The following SCN1A variants were observed in gnomAD, a reference collection of about 807,000 sequenced individuals.
The protein encoded by SCN1A is sodium channel protein type 1 subunit alpha.
A neutral mutation model predicts 193.7 loss-of-function variants in SCN1A; 13 were observed. The observed-to-expected ratio is 0.07, with a 90% CI of 0.04 to 0.11. SCN1A has a LOEUF of 0.11. Among genes scored for constraint, SCN1A ranks in the 10% least tolerant of loss-of-function variants. SCN1A has a pLI of 1.00. For missense variants in SCN1A, 1,432 were observed against 2,451.1 expected, an observed-to-expected ratio of 0.58 and a Z score of 8.78; for synonymous variants, 781 against 843.6, an observed-to-expected ratio of 0.93 and a Z score of 1.29.
chr2:166,035,903 G>T, intron 19 of SCN1A, 145 bp downstream of exon 19: 1 of 791,488 alleles, frequency 1.3e-6, no homozygotes, highest in Non-Finnish European at 2.0e-6. Context: ...GGTTTCTAGT[G>T]AATGGCTATT....
At chr2:166,106,224 A>G (rs915556408) in intron 2 of SCN1A, among the ~76,000 whole-genome samples, 1 of 152,114 alleles carries the variant, frequency 6.6e-6, no homozygotes, top group African/African-American at 2.4e-5. Context: ...AGATACAGAA[A>G]CCACATGCTA....
In SCN1A at chr2:166,133,113, T is replaced by C. The variant is rs184803678; in HGVS notation, c.-50+15934A>G. 8.1e-4 allele frequency among the ~76,000 whole-genome samples: 123 copies of C among 152,036 alleles called. 1 individual carries two copies. The highest frequency in any genetic ancestry group is 6.0e-4 in the Non-Finnish European group (41 of 67,968). On this transcript the variant is annotated intron_variant, in intron 1 of 26. Coordinates refer to the SCN1A transcript ENST00000635750. ...CTTTCTGGTAGTGGAGAAGAAAAAA[T>C]AGTATAGGCTTTTCTTAACTCACCA...
chr2:166,032,939 A>C (rs537286905), intron 19 of SCN1A, among the ~76,000 whole-genome samples: 32 of 152,332 alleles, frequency 2.1e-4, no homozygotes, highest in African/African-American at 7.5e-4. Flanking sequence ...TGCTCTAATC[A>C]GAGAAAGTAT....
intron 23 of SCN1A, 48 bp from the exon 24 acceptor site, chr2:166,002,801 A>G: frequency 6.6e-7 from 1 of 1,524,026 alleles, no homozygotes; most frequent in Non-Finnish European, 8.9e-7. Context: ...TTATCTGTTA[A>G]TAAAGAAAAA....
chr2:166,050,629 ATATATATATGTG>A lies in SCN1A; in HGVS notation c.964+1078_964+1089del, dbSNP rs1455918791. On this transcript the variant is annotated intron_variant, in intron 9 of 28. Coordinates refer to ENST00000674923, the MANE Select transcript of SCN1A (RefSeq NM_001165963.4). ...TTAAAAAAAGTATATATATATATAT[ATATATATATGTG>A]TGTATATATTTTTTTTTTGTAGAGA... Among the ~76,000 whole-genome samples, 6 of 79,148 alleles carry A rather than the reference ATATATATATGTG, an allele frequency of 7.6e-5. 1 individual carries two copies. The highest frequency in any genetic ancestry group is 3.4e-4 in the African/African-American group (6 of 17,614). The allele number at this position is 79,148 out of a possible 152,430, so 51.9% of individuals were successfully genotyped here. A position where few individuals can be genotyped will look rare whatever the true frequency, so the allele number is the denominator to read the frequency against.
chr2:166,073,892 G>A (rs1684737895), intron 3 of SCN1A, among the ~76,000 whole-genome samples: 1 of 152,178 alleles, frequency 6.6e-6, no homozygotes, highest in South Asian at 2.1e-4. Flanking sequence ...TACAGGAACT[G>A]TGCCATGAGT....
chr2:165,992,277 G>T lies in SCN1A; in HGVS notation c.4998C>A (p.Ser1666=). ...GGCCGATGTTAAACAACGCAGGAAG[G>T]GACATCATCAAAGCAAAGAGCAGCG... The part of the protein sequence containing the change: ...IRTLLFALMM[S]LPALFNIGLL... Residue 1666 remains serine (S), a synonymous_variant, in exon 29 of 29, where the codon TCC becomes TCA. Transcript: ENST00000674923. This position sits in a 1 kb window ranked among gnomAD's most constrained non-coding sequence, Gnocchi z 6.5. 6.2e-7 allele frequency: 1 copy of T among 1,613,806 alleles called. No homozygotes were observed. The highest frequency in any genetic ancestry group is 8.5e-7 in the Non-Finnish European group (1 of 1,179,892).
At chr2:166,085,102 G>A (rs1039857359) in intron 2 of SCN1A, among the ~76,000 whole-genome samples, 2 of 152,088 alleles carry the variant, frequency 1.3e-5, no homozygotes, top group African/African-American at 4.8e-5. Flanking sequence ...TCCCTTGCTG[G>A]CTTCAAGTCT....
At chr2:166,049,023 G>A in intron 9 of SCN1A, 74 bp from the exon 10 acceptor site, 1 of 921,438 alleles carries the variant, frequency 1.1e-6, no homozygotes, top group Non-Finnish European at 1.8e-6. Flanking sequence ...AGGAAGGTCA[G>A]GTTCTACTTT....
intron 19 of SCN1A, among the ~76,000 whole-genome samples, chr2:166,019,240 G>A (rs1223813395): frequency 6.6e-6 from 1 of 152,058 alleles, no homozygotes; most frequent in Non-Finnish European, 1.5e-5. Context: ...ATGATCAAAT[G>A]CCCTTATTAG....
At chr2:166,139,072 A>G (rs183468900) in intron 1 of SCN1A, among the ~76,000 whole-genome samples, 3 of 152,288 alleles carry the variant, frequency 2.0e-5, no homozygotes, top group African/African-American at 4.8e-5. Context: ...TATTTGCCCA[A>G]TGCCTGTACT....
intron 1 of SCN1A, among the ~76,000 whole-genome samples, chr2:166,145,294 C>T (rs4362572): frequency 0.041 from 6,191 of 151,874 alleles, 715 homozygotes; most frequent in Admixed American, 0.24. Context: ...GCTTCGGCCT[C>T]CCCAAGTGCT....
chr2:166,088,487 T>C (rs900188811), intron 2 of SCN1A, among the ~76,000 whole-genome samples: 4 of 152,172 alleles, frequency 2.6e-5, no homozygotes, highest in Non-Finnish European at 5.9e-5. Context: ...TTTTCTAACA[T>C]TTCTTAAGTG....
chr2:166,116,990 T>G (rs1362964715), intron 2 of SCN1A, among the ~76,000 whole-genome samples: 2 of 152,186 alleles, frequency 1.3e-5, no homozygotes, highest in South Asian at 2.1e-4. Flanking sequence ...TCAGAAACCC[T>G]GTAAGTTTTG....
intron 19 of SCN1A, among the ~76,000 whole-genome samples, chr2:166,034,415 T>A (rs1287673757): frequency 2.6e-5 from 4 of 152,204 alleles, no homozygotes; most frequent in African/African-American, 9.6e-5. Context: ...CATGGACAAC[T>A]ATCAAAATGC....
At chr2:166,015,836 A>G in intron 19 of SCN1A, 109 bp from the exon 20 acceptor site, 2 of 1,203,734 alleles carry the variant, frequency 1.7e-6, no homozygotes, top group Non-Finnish European at 2.4e-6. Flanking sequence ...CTTGAGGTAG[A>G]GATATTTTTA....
chr2:166,015,454 C>A (rs1217918325), intron 20 of SCN1A, among the ~76,000 whole-genome samples, 153 bp downstream of exon 20: 1 of 151,870 alleles, frequency 6.6e-6, no homozygotes, highest in East Asian at 1.9e-4. Flanking sequence ...TGACACTAGA[C>A]TTTAAGTTTT....
intron 2 of SCN1A, among the ~76,000 whole-genome samples, chr2:166,101,492 T>C (rs1688070189): frequency 1.1e-5 from 1 of 90,772 alleles, no homozygotes; most frequent in African/African-American, 4.2e-5. Context: ...ACATGTACCC[T>C]AAAACTTAAA....
intron 24 of SCN1A, among the ~76,000 whole-genome samples, chr2:166,001,372 G>A (rs922761989): frequency 9.9e-5 from 15 of 151,792 alleles, no homozygotes; most frequent in African/African-American, 3.4e-4. Context: ...AGAGAAATAA[G>A]AATTTCCAAC....
Sources: gnomAD v4.1 joint callset for allele counts (sites outside exome capture counted in the v4.1 genomes callset) on GRCh38, gnomAD v4.1.1 for gene constraint, Gnocchi (gnomAD v3.1) non-coding constraint, MANE v1.5 for transcripts, NCBI Gene and HGNC (gene_info 2026-07-23, HGNC 2026-07-21) for gene names.